CPVL: variants seen among roughly 807,000 people sequenced by gnomAD.
CPVL encodes the protein probable serine carboxypeptidase CPVL.
Under a neutral mutation model 63.7 loss-of-function variants are expected in CPVL, and 51 were observed. The observed-to-expected ratio is 0.80, with a 90% CI of 0.64 to 1.01. The LOEUF is 1.01. Among genes scored for constraint, CPVL ranks in the 50% least tolerant of loss-of-function variants. The probability of loss-of-function intolerance (pLI) is 0.00; values close to 1 mark genes in which losing one functional copy is unlikely to be tolerated. For missense variants in CPVL, 530 were observed against 573.1 expected (o/e 0.92, Z 0.77); for synonymous variants, 195 against 206.0 (o/e 0.95, Z 0.46).
intron 5 of CPVL, among the ~76,000 whole-genome samples, chr7:29,174,162 AG>A (rs1796965908): frequency 2.6e-5 from 4 of 152,048 alleles, no homozygotes; most frequent in Admixed American, 2.6e-4. Flanking sequence ...AGGATGCAGG[AG>A]GAGGTGGCTG....
At chr7:29,090,998 CTG>C (rs1299789666) in intron 6 of CPVL, among the ~76,000 whole-genome samples, 1 of 152,156 alleles carries the variant, frequency 6.6e-6, no homozygotes, top group Non-Finnish European at 1.5e-5. Context: ...ATCTGGAGAG[CTG>C]GAGAGAAGAA....
At chr7:29,086,573 A>C in intron 6 of CPVL, 23 bp from the exon 7 acceptor site, 1 of 1,510,306 alleles carries the variant, frequency 6.6e-7, no homozygotes, top group Non-Finnish European at 9.2e-7. Context: ...GAACAAGAAC[A>C]ACACAAATTA....
At chr7:29,143,649 T>C (rs1792141011) in intron 1 of CPVL, among the ~76,000 whole-genome samples, 1 of 149,992 alleles carries the variant, frequency 6.7e-6, no homozygotes, top group Non-Finnish European at 1.5e-5. Context: ...AGTAAATATT[T>C]TGGCCTGTAA....
rs570568264 is a variant in CPVL, at chr7:29,186,099, G to A, written c.-347+348C>T. ...TGAACAGGATGGAGTTTTTGATTAG[G>A]GAATAATTTTGATCCCTTGAAATTC... On this transcript the variant is annotated intron_variant, in intron 2 of 16. Transcript: ENST00000409850. 6.6e-5 allele frequency among the ~76,000 whole-genome samples: 10 copies of A among 152,148 alleles called. No homozygotes were observed. In the South Asian group the frequency reaches 2.1e-3, roughly 32 times the overall value.
intron 7 of CPVL, among the ~76,000 whole-genome samples, chr7:29,080,778 C>T (rs1181909111): frequency 6.6e-6 from 1 of 152,200 alleles, no homozygotes; most frequent in Non-Finnish European, 1.5e-5. Flanking sequence ...AGACACTGTA[C>T]TTCCAACAGG....
chr7:29,068,038 A>G (rs1341687446), intron 9 of CPVL, among the ~76,000 whole-genome samples: 8 of 147,454 alleles, frequency 5.4e-5, no homozygotes, highest in Non-Finnish European at 1.2e-4. Flanking sequence ...GGAGTCTCGC[A>G]CTGTCACTCA....
chr7:29,056,953 T>C (rs9969265), intron 11 of CPVL, among the ~76,000 whole-genome samples: 6,087 of 144,970 alleles, frequency 0.042, 444 homozygotes, highest in African/African-American at 0.15. Flanking sequence ...CCTTTTCTTT[T>C]TTTTTTTTTT....
chr7:29,073,982 G>A (rs1783993943), intron 7 of CPVL, among the ~76,000 whole-genome samples: 1 of 152,182 alleles, frequency 6.6e-6, no homozygotes, highest in Non-Finnish European at 1.5e-5. Flanking sequence ...GCATCTCCAA[G>A]GCCCTCCAGG....
chr7:29,028,022 T>A (rs1364293633), intron 12 of CPVL, among the ~76,000 whole-genome samples: 1 of 152,180 alleles, frequency 6.6e-6, no homozygotes, highest in East Asian at 1.9e-4. Context: ...GCTGGAGGCA[T>A]CACACTACCT....
At position 29,145,309 on chromosome 7, in the gene CPVL, A is replaced by C. The variant is rs146478689; in HGVS notation, c.-11+1120T>G. ...AGTTGTACATTTAGCCGGGGAAGGGAAAGGCAAGTACTGAGGGGCTCCTTT... is the reference window on the plus strand; with the variant it reads ...AGTTGTACATTTAGCCGGGGAAGGGCAAGGCAAGTACTGAGGGGCTCCTTT... On this transcript the variant is annotated intron_variant, in intron 1 of 12. Transcript: ENST00000265394. 2.0e-5 allele frequency among the ~76,000 whole-genome samples: 3 copies of C among 152,222 alleles called. No homozygotes were observed. In the East Asian group the frequency reaches 5.8e-4, roughly 29 times the overall value.
chr7:29,072,511 G>A, intron 7 of CPVL, 88 bp from the exon 8 acceptor site: 1 of 1,448,990 alleles, frequency 6.9e-7, no homozygotes, highest in Non-Finnish European at 9.5e-7. Context: ...AACAATGAAG[G>A]AGCAATCTTT....
At chr7:29,083,194 A>G (rs1188156293) in intron 7 of CPVL, among the ~76,000 whole-genome samples, 1 of 152,218 alleles carries the variant, frequency 6.6e-6, no homozygotes, top group Non-Finnish European at 1.5e-5. Context: ...TGCCATTCCC[A>G]TGGAAAAACT....
intron 1 of CPVL, chr7:29,193,955 C>T (rs905469855): frequency 3.3e-5 from 5 of 152,358 alleles, no homozygotes; most frequent in African/African-American, 9.7e-5. Context: ...GTTGGCTTCC[C>T]GGGTGTTTTA....
chr7:29,068,467 G>C (rs1783361258), intron 9 of CPVL, among the ~76,000 whole-genome samples: 1 of 152,036 alleles, frequency 6.6e-6, no homozygotes, highest in African/African-American at 2.4e-5. Flanking sequence ...CATTGCTCAG[G>C]GCCCCACATC....
chr7:29,050,567 A>G (rs1432169213), intron 11 of CPVL, among the ~76,000 whole-genome samples: 1 of 152,132 alleles, frequency 6.6e-6, no homozygotes, highest in Non-Finnish European at 1.5e-5. Flanking sequence ...ACTACAAAAC[A>G]CTGCTGAAAG....
intron 7 of CPVL, among the ~76,000 whole-genome samples, chr7:29,086,152 C>T (rs1447793869): frequency 6.6e-6 from 1 of 152,014 alleles, no homozygotes; most frequent in Non-Finnish European, 1.5e-5. Flanking sequence ...ATTAGCCGTG[C>T]ATGGTGGCAG....
intron 4 of CPVL, 81 bp downstream of exon 4, chr7:29,096,022 G>A: frequency 9.2e-7 from 1 of 1,087,658 alleles, no homozygotes; most frequent in Middle Eastern, 2.0e-4. Context: ...GTGGTTCAGT[G>A]TTTACTCTAA....
intron 11 of CPVL, among the ~76,000 whole-genome samples, chr7:29,038,343 C>T (rs1451879987): frequency 6.6e-6 from 1 of 152,144 alleles, no homozygotes; most frequent in Non-Finnish European, 1.5e-5. Flanking sequence ...ACTCTTTCCA[C>T]CATGTGAGGA....
intron 11 of CPVL, among the ~76,000 whole-genome samples, chr7:29,041,589 A>T (rs550794517): frequency 5.3e-4 from 80 of 152,212 alleles, no homozygotes; most frequent in Admixed American, 1.2e-3. Context: ...CTTTCTCCAC[A>T]TCATTAAATA....
Sources: gnomAD v4.1 joint callset for allele counts (sites outside exome capture counted in the v4.1 genomes callset) on GRCh38, gnomAD v4.1.1 for gene constraint, MANE v1.5 for transcripts, NCBI Gene and HGNC (gene_info 2026-07-23, HGNC 2026-07-21) for gene names.